The following COL23A1 variants were observed in gnomAD, a reference collection of about 807,000 sequenced individuals.
The protein encoded by COL23A1 is collagen alpha-1(XXIII) chain.
In COL23A1, 97 loss-of-function variants were observed where a neutral mutation model predicts 99.3. That is an observed-to-expected ratio of 0.98 (90% confidence interval 0.83 to 1.16). COL23A1 has a LOEUF of 1.16. Among genes scored for constraint, COL23A1 ranks in the 50% most tolerant of loss-of-function variants. The probability of loss-of-function intolerance (pLI) is 0.00; values close to 1 mark genes in which losing one functional copy is unlikely to be tolerated. For missense variants in COL23A1, 762 were observed against 757.4 expected (o/e 1.01, Z -0.07); for synonymous variants, 320 against 308.2 (o/e 1.04, Z -0.40).
chr5:178,238,811 T>C, intron 28 of COL23A1, 111 bp from the exon 29 acceptor site: 1 of 1,392,646 alleles, frequency 7.2e-7, no homozygotes, highest in Non-Finnish European at 1.0e-6. Context: ...CTATCTTCCC[T>C]CCCCCCACTC....
At chr5:178,443,157 A>C (rs1766972507) in intron 2 of COL23A1, 1 of 152,238 alleles carries the variant, frequency 6.6e-6, no homozygotes, top group Non-Finnish European at 1.5e-5. Context: ...CGTTTCCCTG[A>C]AACCCATTAA....
At chr5:178,287,704 C>T (rs1757233168) in intron 5 of COL23A1, among the ~76,000 whole-genome samples, 1 of 152,238 alleles carries the variant, frequency 6.6e-6, no homozygotes. Context: ...TCTTCTGCTG[C>T]TGGGCTCCCC....
At chr5:178,550,722 A>G (rs372107856) in intron 2 of COL23A1, among the ~76,000 whole-genome samples, 24 of 152,202 alleles carry the variant, frequency 1.6e-4, no homozygotes, top group East Asian at 5.8e-4. Context: ...CCGCTACAGC[A>G]TGTGGGTGAG....
chr5:178,517,565 TTTG>T (rs1481008031), intron 2 of COL23A1, among the ~76,000 whole-genome samples: 1 of 112,566 alleles, frequency 8.9e-6, no homozygotes. Flanking sequence ...CAGTTTTTTT[TTTG>T]TTTTTTTTTT....
At chr5:178,358,006 A>ATGTG (rs533021703) in intron 2 of COL23A1, among the ~76,000 whole-genome samples, 4 of 118,048 alleles carry the variant, frequency 3.4e-5, no homozygotes, top group Non-Finnish European at 7.0e-5. Flanking sequence ...GTGTATATGT[A>ATGTG]TGTGTGTGTA....
At chr5:178,448,038 A>T (rs1767263114) in intron 2 of COL23A1, among the ~76,000 whole-genome samples, 1 of 152,208 alleles carries the variant, frequency 6.6e-6, no homozygotes, top group African/African-American at 2.4e-5. Context: ...CCAATGCGAC[A>T]GTATTGAGAG....
intron 2 of COL23A1, among the ~76,000 whole-genome samples, chr5:178,397,269 C>A (rs1455843437): frequency 1.3e-5 from 2 of 152,294 alleles, no homozygotes; most frequent in Non-Finnish European, 2.9e-5. Flanking sequence ...GAGGGGGAGA[C>A]AAAGCAAAAG....
chr5:178,291,657 AG>A lies in COL23A1; in HGVS notation c.407-1289del, dbSNP rs1757465792. 1.3e-5 allele frequency among the ~76,000 whole-genome samples: 2 copies of A among 152,110 alleles called. 1 individual carries two copies. The highest frequency in any genetic ancestry group is 4.1e-4 in the South Asian group (2 of 4,828). ...TCTAAGGGTGAAGGGGAGTCAGCGA[AG>A]GGCTCTGCAAGGAGGAGCGATGGGG... On this transcript the variant is annotated intron_variant, in intron 3 of 28. Transcript: ENST00000390654.
Position 178,255,617 on chromosome 5 carries a change from C to G in COL23A1, c.883-591G>C, listed in dbSNP as rs1358431753. On this transcript the variant is annotated intron_variant, in intron 15 of 28. Transcript: ENST00000390654. This position sits in a 1 kb window ranked among gnomAD's most constrained non-coding sequence, Gnocchi z 4.2. ...CCCAGGCTGCTCTTTGCTTGGGGTACAGTGAAGGCTGGGGAGCACTTTGGT... is the reference window on the plus strand; with the variant it reads ...CCCAGGCTGCTCTTTGCTTGGGGTAGAGTGAAGGCTGGGGAGCACTTTGGT... 6.6e-6 allele frequency among the ~76,000 whole-genome samples: 1 copy of G among 152,184 alleles called. No homozygotes were observed. Among genetic ancestry groups the G allele is most frequent in the Non-Finnish European group, 1.5e-5 (1 of 68,032 alleles).
rs1296221073 is a variant in COL23A1, at chr5:178,281,454, G to A, written c.441+6870C>T. 6.6e-6 allele frequency among the ~76,000 whole-genome samples: 1 copy of A among 152,154 alleles called. No homozygotes were observed. Among genetic ancestry groups the A allele is most frequent in the Non-Finnish European group, 1.5e-5 (1 of 68,026 alleles). ...CTCGCAGTCCCCTGGGGCCCCGGCT[G>A]TCGCTGCTCCCAGGACTGAGGCCGG... On this transcript the variant is annotated intron_variant, in intron 5 of 28. Transcript: ENST00000390654. The surrounding 1 kb of genome is among the most constrained non-coding windows in gnomAD (Gnocchi z 4.0).
At chr5:178,519,231 G>C (rs1175802456) in intron 2 of COL23A1, among the ~76,000 whole-genome samples, 1 of 152,252 alleles carries the variant, frequency 6.6e-6, no homozygotes, top group Non-Finnish European at 1.5e-5. Flanking sequence ...TGTAGATGAG[G>C]AAACTGTGGG....
chr5:178,300,013 C>T (rs1054011707), intron 3 of COL23A1, among the ~76,000 whole-genome samples: 1 of 151,856 alleles, frequency 6.6e-6, no homozygotes, highest in African/African-American at 2.4e-5. Flanking sequence ...CTTGGCCTCC[C>T]AAAGTGCTGG....
intron 18 of COL23A1, 30 bp from the exon 19 acceptor site, chr5:178,249,236 G>A: frequency 6.2e-7 from 1 of 1,600,104 alleles, no homozygotes; most frequent in Non-Finnish European, 8.6e-7. Context: ...GGGATGAGTG[G>A]GGCTCAGGAG....
At chr5:178,518,465 A>G (rs1431723070) in intron 2 of COL23A1, among the ~76,000 whole-genome samples, 1 of 142,386 alleles carries the variant, frequency 7.0e-6, no homozygotes, top group Non-Finnish European at 1.5e-5. Flanking sequence ...ACTTCCCAGT[A>G]GGGGCGGCCG....
chr5:178,389,990 C>T (rs1000882883), intron 2 of COL23A1, among the ~76,000 whole-genome samples: 1 of 152,184 alleles, frequency 6.6e-6, no homozygotes, highest in Non-Finnish European at 1.5e-5. Flanking sequence ...GAGCTAGCAG[C>T]GGGGTGCTCA....
chr5:178,326,913 T>A (rs1346290924), intron 2 of COL23A1, among the ~76,000 whole-genome samples: 1 of 152,114 alleles, frequency 6.6e-6, no homozygotes, highest in East Asian at 1.9e-4. Context: ...AGAGACGGGG[T>A]TTCACCATGC....
At chr5:178,484,151 C>G (rs533446952) in intron 2 of COL23A1, among the ~76,000 whole-genome samples, 1 of 152,024 alleles carries the variant, frequency 6.6e-6, no homozygotes, top group Non-Finnish European at 1.5e-5. Flanking sequence ...GTCTTGAACT[C>G]GACCTCAGGT....
chr5:178,269,650 C>G (rs1045817562), intron 6 of COL23A1, among the ~76,000 whole-genome samples: 1 of 145,228 alleles, frequency 6.9e-6, no homozygotes, highest in Non-Finnish European at 1.5e-5. Flanking sequence ...ACTCACCAAT[C>G]CATTCATCCA....
chr5:178,453,946 G>C (rs115474602), intron 2 of COL23A1, among the ~76,000 whole-genome samples: 1 of 152,118 alleles, frequency 6.6e-6, no homozygotes, highest in Non-Finnish European at 1.5e-5. Context: ...AGGAGCAGGG[G>C]TATAGATATT....
Sources: gnomAD v4.1 joint callset for allele counts (sites outside exome capture counted in the v4.1 genomes callset) on GRCh38, gnomAD v4.1.1 for gene constraint, Gnocchi (gnomAD v3.1) non-coding constraint, MANE v1.5 for transcripts, NCBI Gene and HGNC (gene_info 2026-07-23, HGNC 2026-07-21) for gene names.